The following CUX2 variants were observed in gnomAD, a reference collection of about 807,000 sequenced individuals.
The protein encoded by CUX2 is homeobox protein cut-like 2.
In CUX2, 40 loss-of-function variants were observed where a neutral mutation model predicts 144.8. The ratio of observed to expected loss-of-function variants is 0.28; its 90% CI spans 0.21 to 0.36. The LOEUF is 0.36. Among genes scored for constraint, CUX2 ranks in the 10% least tolerant of loss-of-function variants. The probability of loss-of-function intolerance (pLI) is 1.00; values close to 1 mark genes in which losing one functional copy is unlikely to be tolerated. For synonymous variants in CUX2, 827 were observed against 875.6 expected, an observed-to-expected ratio of 0.94 and a Z score of 0.98; for missense variants, 1,615 against 1,994.0, an observed-to-expected ratio of 0.81 and a Z score of 3.62.
At chr12:111,271,707 C>G (rs1002378930) in intron 4 of CUX2, among the ~76,000 whole-genome samples, 1 of 152,224 alleles carries the variant, frequency 6.6e-6, no homozygotes, top group African/African-American at 2.4e-5. Flanking sequence ...CCTTTACTTA[C>G]TAGTTCACTA....
chr12:111,254,293 G>A (rs1212205454), intron 3 of CUX2, among the ~76,000 whole-genome samples: 9 of 152,008 alleles, frequency 5.9e-5, no homozygotes, highest in Non-Finnish European at 1.0e-4. Context: ...TATGTATTTA[G>A]GCACTGGGGG....
chr12:111,308,206 C>T (rs1336111484), intron 12 of CUX2, 79 bp from the exon 13 acceptor site: 15 of 1,511,072 alleles, frequency 9.9e-6, no homozygotes, highest in African/African-American at 6.9e-5. Context: ...GGAGGTAAGC[C>T]GGGTCAGTGC....
At chr12:111,140,290 G>T (rs1039655872) in intron 1 of CUX2, among the ~76,000 whole-genome samples, 2 of 152,172 alleles carry the variant, frequency 1.3e-5, no homozygotes, top group Middle Eastern at 3.2e-3. Flanking sequence ...AGCGAGAACA[G>T]CAGGTCCTGT....
intron 1 of CUX2, among the ~76,000 whole-genome samples, chr12:111,049,795 A>G (rs948830158): frequency 6.6e-6 from 1 of 152,198 alleles, no homozygotes; most frequent in Non-Finnish European, 1.5e-5. Context: ...GAGCCCAGCA[A>G]GGTCTTTTTG....
chr12:111,326,942 A>C (rs1375215236), intron 18 of CUX2, among the ~76,000 whole-genome samples: 4 of 152,146 alleles, frequency 2.6e-5, no homozygotes, highest in African/African-American at 7.2e-5. Context: ...ATAACGTAAA[A>C]TGTACCTTTT....
chr12:111,275,833 G>A (rs1884848367), intron 4 of CUX2, among the ~76,000 whole-genome samples: 7 of 152,114 alleles, frequency 4.6e-5, no homozygotes, highest in Admixed American at 2.0e-4. Context: ...CACGCCACCA[G>A]CTCTCCCCTT....
intron 4 of CUX2, among the ~76,000 whole-genome samples, chr12:111,285,870 G>A (rs1051818870): frequency 2.6e-5 from 4 of 152,226 alleles, no homozygotes; most frequent in African/African-American, 7.2e-5. Context: ...TGGGGAATCC[G>A]GGGCAGCACA....
intron 1 of CUX2, among the ~76,000 whole-genome samples, chr12:111,092,806 T>C (rs1285394015): frequency 4.0e-5 from 3 of 75,622 alleles, no homozygotes; most frequent in African/African-American, 1.3e-4. Flanking sequence ...CTCTGGCAGA[T>C]TTTTTTTTTT....
chr12:111,181,020 G>A (rs887472901), intron 1 of CUX2, among the ~76,000 whole-genome samples: 2 of 152,140 alleles, frequency 1.3e-5, no homozygotes, highest in African/African-American at 2.4e-5. Flanking sequence ...ATTTATTATC[G>A]ACTGCGCCGG....
At position 111,255,836 on chromosome 12, in the gene CUX2, G is replaced by A. The variant is rs903271118; in HGVS notation, c.223-7925G>A. Among the ~76,000 whole-genome samples the A allele has an allele frequency of 7.2e-5, 11 of 152,126 alleles. No individual in the cohort carries two copies. The highest frequency in any genetic ancestry group is 1.3e-4 in the Admixed American group (2 of 15,256). On this transcript the variant is annotated intron_variant, in intron 3 of 21. Coordinates refer to ENST00000261726, the MANE Select transcript of CUX2 (RefSeq NM_015267.4). This position sits in a 1 kb window ranked among gnomAD's most constrained non-coding sequence, Gnocchi z 4.1. ...GAAGTAGCTGTTACCCCCATTTTCC[G>A]GGTGGTAGGAAATCAGAAGGGTGCT...
rs1415298458 is a variant in CUX2, at chr12:111,057,978, G to A, written c.63+23738G>A. ...GGCAACAGCACTTTTGAAATCTCTG[G>A]ATAGTTTTGAACTCTCTGTTCTTAA... On this transcript the variant is annotated intron_variant, in intron 1 of 21. Coordinates refer to ENST00000261726, the MANE Select transcript of CUX2 (RefSeq NM_015267.4). The surrounding 1 kb of genome is among the most constrained non-coding windows in gnomAD (Gnocchi z 5.1). Among the ~76,000 whole-genome samples, 3 of 152,146 alleles carry A rather than the reference G, an allele frequency of 2.0e-5. No homozygotes were observed. The East Asian group carries it at 5.8e-4, about 29-fold the overall frequency.
At chr12:111,228,213 T>C (rs1000144821) in intron 3 of CUX2, among the ~76,000 whole-genome samples, 6 of 152,164 alleles carry the variant, frequency 3.9e-5, no homozygotes, top group African/African-American at 1.4e-4. Context: ...AAAGATAGTA[T>C]AGCACAGTGG....
chr12:111,079,618 G>C (rs181369915), intron 1 of CUX2, among the ~76,000 whole-genome samples: 105 of 152,302 alleles, frequency 6.9e-4, no homozygotes, highest in African/African-American at 2.5e-3. Context: ...CACGAGTAGT[G>C]ATTTCTCATT....
At position 111,035,941 on chromosome 12, in the gene CUX2, G is replaced by A. The variant is rs1474320669; in HGVS notation, c.63+1701G>A. Among the ~76,000 whole-genome samples the A allele has an allele frequency of 6.6e-6, 1 of 152,200 alleles. No individual in the cohort carries two copies. Among genetic ancestry groups the A allele is most frequent in the African/African-American group, 2.4e-5 (1 of 41,452 alleles). ...GCTAAAGTGGCCTTTCTGGAAGAGT[G>A]GGGGTTATGGAGGCAGAGAGAGAGA... On this transcript the variant is annotated intron_variant, in intron 1 of 21. Coordinates refer to ENST00000261726, the MANE Select transcript of CUX2 (RefSeq NM_015267.4). This position sits in a 1 kb window ranked among gnomAD's most constrained non-coding sequence, Gnocchi z 6.0.
chr12:111,050,712 G>A (rs181654616), intron 1 of CUX2, among the ~76,000 whole-genome samples: 44 of 152,118 alleles, frequency 2.9e-4, no homozygotes, highest in Non-Finnish European at 1.6e-4. Context: ...TTGGACCCAT[G>A]CCCCCATTGC....
At chr12:111,078,367 C>T (rs1871651294) in intron 1 of CUX2, among the ~76,000 whole-genome samples, 1 of 152,240 alleles carries the variant, frequency 6.6e-6, no homozygotes, top group African/African-American at 2.4e-5. Flanking sequence ...ACAAGAGCAT[C>T]TCATTTCAGG....
chr12:111,108,557 T>C (rs913197449), intron 1 of CUX2, among the ~76,000 whole-genome samples: 6 of 152,170 alleles, frequency 3.9e-5, no homozygotes, highest in African/African-American at 1.4e-4. Context: ...AGTTTTTTAT[T>C]TATATCAGTG....
chr12:111,196,386 G>C (rs1483210333), intron 1 of CUX2, among the ~76,000 whole-genome samples: 1 of 152,220 alleles, frequency 6.6e-6, no homozygotes, highest in African/African-American at 2.4e-5. Flanking sequence ...TGGGTCATAA[G>C]ATACATTTAT....
At chr12:111,332,051 C>G (rs1343099273) in intron 18 of CUX2, among the ~76,000 whole-genome samples, 1 of 151,212 alleles carries the variant, frequency 6.6e-6, no homozygotes, top group East Asian at 2.0e-4. Context: ...TGCACTCCAG[C>G]CTGGGCGACA....
Sources: gnomAD v4.1 joint callset for allele counts (sites outside exome capture counted in the v4.1 genomes callset) on GRCh38, gnomAD v4.1.1 for gene constraint, Gnocchi (gnomAD v3.1) non-coding constraint, MANE v1.5 for transcripts, NCBI Gene and HGNC (gene_info 2026-07-23, HGNC 2026-07-21) for gene names.